IFI44L: variants seen among roughly 807,000 people sequenced by gnomAD.
The protein encoded by IFI44L is interferon induced protein 44 like.
In IFI44L, 40 loss-of-function variants were observed where a neutral mutation model predicts 39.3. The ratio of observed to expected loss-of-function variants is 1.02; its 90% CI spans 0.79 to 1.33. The LOEUF is 1.33. IFI44L is among the 40% of genes most tolerant of loss of function. The pLI is 0.00. For missense variants in IFI44L, 623 were observed against 549.0 expected, an observed-to-expected ratio of 1.13 and a Z score of -1.35; for synonymous variants, 198 against 182.3, an observed-to-expected ratio of 1.09 and a Z score of -0.69.
At chr1:78,637,329 G>A (rs1438849365) in intron 6 of IFI44L, 126 bp downstream of exon 6, 12 of 659,274 alleles carry the variant, frequency 1.8e-5, no homozygotes, top group Admixed American at 6.9e-5. Flanking sequence ...GGTGGCCATC[G>A]GAGGGAGAGA....
At chr1:78,641,174 CGT>C in intron 7 of IFI44L, 53 bp downstream of exon 7, 7 of 1,252,900 alleles carry the variant, frequency 5.6e-6, no homozygotes, top group South Asian at 1.2e-5. Flanking sequence ...CACAATCATA[CGT>C]GTGTGTGTTT....
intron 2 of IFI44L, 151 bp downstream of exon 2, chr1:78,628,544 A>T: frequency 1.6e-6 from 1 of 614,756 alleles, no homozygotes. Flanking sequence ...AAACGTGGGG[A>T]ACATAAGGAT....
Position 78,629,844 on chromosome 1 carries a change from A to G in IFI44L, c.652A>G (p.Lys218Glu), listed in dbSNP as rs999822401. ...AAAGTCCAGTTTTTTCAATTCAGTC[A>G]AGTCTATTTTTCATGGCCATGTGAC... ...SGKSSFFNSV[K>E]SIFHGHVTGQ... Residue 218 changes from lysine (K) to glutamate (E), a missense_variant, in exon 4 of 9, where the codon AAG (lysine) becomes GAG (glutamate). Lys to Glu is a moderately conservative substitution (Grantham distance 56, BLOSUM62 1). Transcript: ENST00000370751. The G allele has an allele frequency of 1.9e-6, 3 of 1,613,690 alleles. No individual in the cohort carries two copies. Among genetic ancestry groups the G allele is most frequent in the African/African-American group, 2.7e-5 (2 of 74,904 alleles).
At position 78,635,486 on chromosome 1, in the gene IFI44L, T is replaced by A. The variant is rs115901054; in HGVS notation, c.873T>A (p.Tyr291Ter). 6.4e-3 allele frequency: 10,384 copies of A among 1,610,308 alleles called. 38 individuals carry two copies. The highest frequency in any genetic ancestry group is 7.5e-3 in the Non-Finnish European group (8,870 of 1,178,696). The stretch of plus-strand genomic sequence containing the variant: ...TAAAAGGTTGTATGCCAGACAGATA[T>A]CAGGTAAGATTTCTTCAATATCCAA... ...HILKGCMPDR[Y>*]QFNSRKPITP... is the part of the protein sequence containing the mutation. The change falls in exon 5 of 9, where the codon TAT becomes TAA. Residue 291 changes from tyrosine (Y) to a stop codon, truncating the protein, a stop_gained. Transcript: ENST00000370751. LOFTEE classifies it high-confidence loss of function.
At position 78,629,841 on chromosome 1, in the gene IFI44L, G is replaced by T. The variant is rs3820093; in HGVS notation, c.649G>T (p.Val217Phe). Residue 217 changes from valine to phenylalanine, a missense_variant, in exon 4 of 9, where the codon GTC (valine) becomes TTC (phenylalanine). Val to Phe is a conservative substitution (Grantham distance 50). Transcript: ENST00000370751. ...GSGKSSFFNS[V>F]KSIFHGHVTG... Reference sequence around the variant, plus strand: ...TGGAAAGTCCAGTTTTTTCAATTCAGTCAAGTCTATTTTTCATGGCCATGT... The same window carrying T: ...TGGAAAGTCCAGTTTTTTCAATTCATTCAAGTCTATTTTTCATGGCCATGT... The T allele has an allele frequency of 6.2e-7, 1 of 1,613,664 alleles. No individual in the cohort carries two copies. The highest frequency in any genetic ancestry group is 2.2e-5 in the East Asian group (1 of 44,810).
At chr1:78,628,693 A>G (rs924855748) in intron 2 of IFI44L, 4 of 512,548 alleles carry the variant, frequency 7.8e-6, no homozygotes, top group Non-Finnish European at 1.4e-5. Context: ...CTGTTTTGAC[A>G]TATGACCCAA....
rs1240564045 is a variant in IFI44L, at chr1:78,644,396, A to C, written c.*2587A>C. ...GACACTAAGTTATCCCTTTTGTGCT[A>C]AAATGGACAGTATTGGCAAAATGAT... On this transcript the variant is annotated 3_prime_UTR_variant, in exon 9 of 9. Transcript: ENST00000370751. The C allele has an allele frequency of 1.3e-5, 2 of 152,210 alleles. No individual in the cohort carries two copies. The highest frequency in any genetic ancestry group is 3.8e-4 in the East Asian group (2 of 5,200). 9.4% of individuals were successfully genotyped at this position (152,210 alleles called of 1,614,324 possible).
At chr1:78,623,746 G>A (rs1186248768) in intron 1 of IFI44L, among the ~76,000 whole-genome samples, 1 of 152,106 alleles carries the variant, frequency 6.6e-6, no homozygotes, top group Non-Finnish European at 1.5e-5. Flanking sequence ...TGGGAACTGA[G>A]AGAGCTGGAG....
intron 6 of IFI44L, among the ~76,000 whole-genome samples, chr1:78,637,732 G>C (rs1267905768): frequency 2.0e-5 from 3 of 152,022 alleles, no homozygotes; most frequent in Non-Finnish European, 4.4e-5. Flanking sequence ...CACCTTTTGA[G>C]ACTGGCTTTT....
At position 78,643,842 on chromosome 1, in the gene IFI44L, A is replaced by G. The variant is rs1451114950; in HGVS notation, c.*2033A>G. On this transcript the variant is annotated 3_prime_UTR_variant, in exon 9 of 9. Coordinates refer to ENST00000370751, the MANE Select transcript of IFI44L (RefSeq NM_006820.4). Reference sequence around the variant, plus strand: ...AAGTTAGTGCCTTGTGACCACATCTATGTGACTTTTAGGCAGTAAGAAACT... The same window carrying G: ...AAGTTAGTGCCTTGTGACCACATCTGTGTGACTTTTAGGCAGTAAGAAACT... 2.0e-5 allele frequency: 3 copies of G among 152,194 alleles called. No individual in the cohort carries two copies. In the East Asian group the frequency reaches 5.8e-4, roughly 29 times the overall value. The allele number at this position is 152,194 out of a possible 1,614,324, so 9.4% of individuals were successfully genotyped here.
intron 1 of IFI44L, among the ~76,000 whole-genome samples, chr1:78,623,120 TATC>T (rs1348848184): frequency 1.3e-5 from 2 of 152,210 alleles, no homozygotes; most frequent in Non-Finnish European, 2.9e-5. Context: ...TATAAGATAA[TATC>T]ATCTGTGAGC....
intron 7 of IFI44L, 62 bp from the exon 8 acceptor site, chr1:78,641,373 A>G (rs1646982035): frequency 6.8e-7 from 1 of 1,473,530 alleles, no homozygotes; most frequent in Admixed American, 2.0e-5. Flanking sequence ...ATTGTATTTA[A>G]AATTGGTCAA....
intron 5 of IFI44L, among the ~76,000 whole-genome samples, chr1:78,636,289 AG>A (rs1273722801): frequency 6.6e-6 from 1 of 152,110 alleles, no homozygotes; most frequent in African/African-American, 2.4e-5. Context: ...CTTATCCTCC[AG>A]GAGTTCATAA....
intron 6 of IFI44L, 21 bp downstream of exon 6, chr1:78,637,224 A>C: frequency 6.4e-7 from 1 of 1,550,660 alleles, no homozygotes; most frequent in Non-Finnish European, 8.7e-7. Flanking sequence ...CTGAACTTAT[A>C]AAAAAATTTA....
intron 6 of IFI44L, among the ~76,000 whole-genome samples, chr1:78,639,169 C>T (rs1308728241): frequency 6.6e-6 from 1 of 152,100 alleles, no homozygotes; most frequent in East Asian, 1.9e-4. Flanking sequence ...AAGAGCACCT[C>T]ATTGCTGCTG....
Position 78,644,591 on chromosome 1 carries a change from A to C in IFI44L, c.*2782A>C, listed in dbSNP as rs948661045. On this transcript the variant is annotated 3_prime_UTR_variant, in exon 9 of 9. Coordinates refer to ENST00000370751, the MANE Select transcript of IFI44L (RefSeq NM_006820.4). ...ATTTTCCATTTTGTGGATTTCCCTG[A>C]TCTTTTTCTACCACCCTGAGGGGTG... The C allele has an allele frequency of 6.6e-6, 1 of 152,126 alleles. No homozygotes were observed. Among genetic ancestry groups the C allele is most frequent in the Admixed American group, 6.6e-5 (1 of 15,260 alleles). 9.4% of individuals were successfully genotyped at this position (152,126 alleles called of 1,614,324 possible).
intron 1 of IFI44L, among the ~76,000 whole-genome samples, chr1:78,622,189 A>C (rs932994160): frequency 6.6e-6 from 1 of 152,140 alleles, no homozygotes; most frequent in South Asian, 2.1e-4. Context: ...AGAACGTGTG[A>C]TATTTCCTGT....
chr1:78,635,983 T>G (rs952741346), intron 5 of IFI44L: 1 of 166,208 alleles, frequency 6.0e-6, no homozygotes, highest in South Asian at 1.6e-4. Context: ...TTTTTTTTTT[T>G]CAGGTGTGAA....
chr1:78,621,428 T>G (rs1652269986), intron 1 of IFI44L, among the ~76,000 whole-genome samples: 1 of 152,022 alleles, frequency 6.6e-6, no homozygotes, highest in East Asian at 1.9e-4. Context: ...TGCACCAGCA[T>G]GCCTGGCTAA....
Sources: gnomAD v4.1 joint callset for allele counts (sites outside exome capture counted in the v4.1 genomes callset) on GRCh38, gnomAD v4.1.1 for gene constraint, MANE v1.5 for transcripts, NCBI Gene and HGNC (gene_info 2026-07-23, HGNC 2026-07-21) for gene names.